The following KLF7 variants were observed in gnomAD, a reference collection of about 807,000 sequenced individuals.
KLF7 encodes KLF transcription factor 7.
KLF7 carries 2 observed loss-of-function variants against 27.3 expected under a neutral mutation model. The ratio of observed to expected loss-of-function variants is 0.07; its 90% confidence interval spans 0.03 to 0.23. The LOEUF (loss-of-function observed/expected upper bound fraction) is 0.23. Ranked by LOEUF, KLF7 falls within the 10% of genes least tolerant of loss-of-function variation. KLF7 has a pLI of 1.00. For missense variants in KLF7, 221 were observed against 394.1 expected, an observed-to-expected ratio of 0.56 and a Z score of 3.72; for synonymous variants, 165 against 162.4, an observed-to-expected ratio of 1.02 and a Z score of -0.12.
chr2:207,138,472 A>G (rs1167658324), intron 1 of KLF7, among the ~76,000 whole-genome samples: 3 of 152,196 alleles, frequency 2.0e-5, no homozygotes, highest in Non-Finnish European at 2.9e-5. Flanking sequence ...CAATCATCTC[A>G]GCCAAAAAAA....
At chr2:207,148,633 A>C (rs1312982911) in intron 1 of KLF7, among the ~76,000 whole-genome samples, 1 of 152,216 alleles carries the variant, frequency 6.6e-6, no homozygotes, top group Non-Finnish European at 1.5e-5. Flanking sequence ...ATAAAAATTC[A>C]GATTTCTAGC....
At chr2:207,140,080 G>A (rs766083362) in intron 1 of KLF7, among the ~76,000 whole-genome samples, 7 of 152,022 alleles carry the variant, frequency 4.6e-5, no homozygotes, top group Non-Finnish European at 7.4e-5. Context: ...GTAGAGATGG[G>A]GTTTCACCAT....
At position 207,137,369 on chromosome 2, in the gene KLF7, A is replaced by G. The variant is rs142053227; in HGVS notation, c.103-12965T>C. ...CTCGTGTTTTCTGTAAGCCCCACAC[A>G]CCACTTACACAGGTGAGGTCCTTTA... On this transcript the variant is annotated intron_variant, in intron 1 of 3. Coordinates refer to ENST00000309446, the MANE Select transcript of KLF7 (RefSeq NM_003709.4). 3.0e-3 allele frequency among the ~76,000 whole-genome samples: 450 copies of G among 152,234 alleles called. 2 individuals are homozygous for G. Among genetic ancestry groups the G allele is most frequent in the African/African-American group, 0.01 (427 of 41,530 alleles).
At chr2:207,139,822 T>C (rs977937710) in intron 1 of KLF7, among the ~76,000 whole-genome samples, 6 of 152,240 alleles carry the variant, frequency 3.9e-5, no homozygotes, top group African/African-American at 1.4e-4. Context: ...TTTCAACCTG[T>C]CAACATCAAG....
intron 1 of KLF7, among the ~76,000 whole-genome samples, chr2:207,159,995 G>A (rs932775879): frequency 3.3e-5 from 5 of 152,134 alleles, no homozygotes; most frequent in African/African-American, 1.2e-4. Context: ...GTAAAAGCAT[G>A]TCCCAGTAAT....
intron 1 of KLF7, among the ~76,000 whole-genome samples, chr2:207,142,015 T>C (rs2077956618): frequency 6.6e-6 from 1 of 151,942 alleles, no homozygotes; most frequent in Non-Finnish European, 1.5e-5. Context: ...ATAAGAATCT[T>C]GTCACAAGAA....
At chr2:207,163,374 C>A (rs2078604432) in intron 1 of KLF7, among the ~76,000 whole-genome samples, 1 of 152,034 alleles carries the variant, frequency 6.6e-6, no homozygotes, top group African/African-American at 2.4e-5. Context: ...CCTGTAGAAA[C>A]TAAACTAGAG....
At chr2:207,170,989 G>C (rs573986281), upstream of KLF7, among the ~76,000 whole-genome samples, 1 of 150,974 alleles carries the variant, frequency 6.6e-6, no homozygotes, top group East Asian at 1.9e-4. Context: ...GCCATAGATA[G>C]TGATTTTCTG....
At chr2:207,132,354 T>C (rs1465490174) in intron 1 of KLF7, among the ~76,000 whole-genome samples, 1 of 152,238 alleles carries the variant, frequency 6.6e-6, no homozygotes, top group Non-Finnish European at 1.5e-5. Flanking sequence ...AAGTTATATA[T>C]TTCCCTCTGG....
chr2:207,140,080 G>T (rs766083362), intron 1 of KLF7, among the ~76,000 whole-genome samples: 9 of 152,022 alleles, frequency 5.9e-5, no homozygotes, highest in Non-Finnish European at 1.2e-4. Flanking sequence ...GTAGAGATGG[G>T]GTTTCACCAT....
upstream of KLF7, chr2:207,166,987 G>A: frequency 2.6e-6 from 2 of 765,080 alleles, no homozygotes; most frequent in Non-Finnish European, 3.4e-6. Context: ...GACCCCGAGC[G>A]AGAGACCTGG....
chr2:207,149,242 C>CA (rs2078176963), intron 1 of KLF7: 1 of 952,390 alleles, frequency 1.0e-6, no homozygotes, highest in Non-Finnish European at 1.5e-6. Flanking sequence ...GCAACACCCC[C>CA]ACTCAGCGCT....
Position 207,123,963 on chromosome 2 carries a change from C to G in KLF7, c.544G>C (p.Ala182Pro). 1 of 1,614,172 alleles carries G rather than the reference C, an allele frequency of 6.2e-7. No individual in the cohort carries two copies. The highest frequency in any genetic ancestry group is 8.5e-7 in the Non-Finnish European group (1 of 1,180,030). ...GCCGTCACGGCTGCTGCAGCTGTTG[C>G]GACCCCTCCCACCTTTACGGAGCTG... ...ALSSVKVGGV[A>P]TAAAAVTAAG... The change falls in exon 2 of 4, where the codon GCA (alanine) becomes CCA (proline). Residue 182 changes from alanine (A) to proline (P), a missense_variant. Coordinates refer to ENST00000309446, the MANE Select transcript of KLF7 (RefSeq NM_003709.4).
At chr2:207,117,331 C>T (rs372957340) in intron 2 of KLF7, among the ~76,000 whole-genome samples, 41 of 152,218 alleles carry the variant, frequency 2.7e-4, no homozygotes, top group Middle Eastern at 3.4e-3. Flanking sequence ...GAAAATTCTC[C>T]CAGCGATTGT....
chr2:207,128,917 G>A (rs999138759), intron 1 of KLF7, among the ~76,000 whole-genome samples: 3 of 152,150 alleles, frequency 2.0e-5, no homozygotes, highest in Non-Finnish European at 2.9e-5. Flanking sequence ...TCCTGAACCA[G>A]TAAAAGGACT....
chr2:207,152,353 C>T (rs2078270741), intron 1 of KLF7, among the ~76,000 whole-genome samples: 1 of 151,766 alleles, frequency 6.6e-6, no homozygotes, highest in Non-Finnish European at 1.5e-5. Flanking sequence ...CTGGGAGTGG[C>T]AAAAGAAACT....
At chr2:207,082,971 A>T (rs1173496582) in intron 3 of KLF7, among the ~76,000 whole-genome samples, 1 of 152,232 alleles carries the variant, frequency 6.6e-6, no homozygotes, top group African/African-American at 2.4e-5. Context: ...AGTAAAACGA[A>T]AACCACATAA....
intron 2 of KLF7, among the ~76,000 whole-genome samples, chr2:207,095,231 G>C (rs2076601953): frequency 1.3e-5 from 2 of 151,714 alleles, no homozygotes; most frequent in African/African-American, 2.4e-5. Flanking sequence ...TGTAATTTTA[G>C]TGGAGACAGG....
At chr2:207,139,914 T>A (rs371155203) in intron 1 of KLF7, among the ~76,000 whole-genome samples, 14 of 152,204 alleles carry the variant, frequency 9.2e-5, no homozygotes, top group Middle Eastern at 3.2e-3. Flanking sequence ...AGAGTCTTTC[T>A]TTTTTGAGAC....
Sources: gnomAD v4.1 joint callset for allele counts (sites outside exome capture counted in the v4.1 genomes callset) on GRCh38, gnomAD v4.1.1 for gene constraint, MANE v1.5 for transcripts, NCBI Gene and HGNC (gene_info 2026-07-23, HGNC 2026-07-21) for gene names.